The following NRXN1 variants were observed in gnomAD, a reference collection of about 807,000 sequenced individuals.
The protein encoded by NRXN1 is neurexin-1.
In NRXN1, 39 loss-of-function variants were observed where a neutral mutation model predicts 150.9. The observed-to-expected ratio is 0.26, with a 90% CI of 0.20 to 0.34. NRXN1 has a LOEUF of 0.34. Among genes scored for constraint, NRXN1 ranks in the 10% least tolerant of loss-of-function variants. The pLI is 1.00. For synonymous variants in NRXN1, 924 were observed against 757.0 expected, an observed-to-expected ratio of 1.22 and a Z score of -3.62; for missense variants, 1,815 against 1,949.9, an observed-to-expected ratio of 0.93 and a Z score of 1.30.
At chr2:50,964,921 T>A (rs1030489958) in intron 2 of NRXN1, among the ~76,000 whole-genome samples, 5 of 151,480 alleles carry the variant, frequency 3.3e-5, no homozygotes. Context: ...TACTCTGGAA[T>A]TTTTGTTGAG....
At chr2:50,585,729 C>T (rs945353033) in intron 8 of NRXN1, among the ~76,000 whole-genome samples, 1 of 152,092 alleles carries the variant, frequency 6.6e-6, no homozygotes, top group East Asian at 1.9e-4. Context: ...ATTTTCATTC[C>T]CTAGTCACTA....
At chr2:50,423,610 T>C (rs750130041) in intron 17 of NRXN1, among the ~76,000 whole-genome samples, 3 of 152,084 alleles carry the variant, frequency 2.0e-5, no homozygotes, top group Non-Finnish European at 2.9e-5. Flanking sequence ...AAAATCTTTA[T>C]TGATCCCCTA....
intron 18 of NRXN1, among the ~76,000 whole-genome samples, chr2:50,172,650 T>C (rs2060102373): frequency 6.6e-6 from 1 of 152,222 alleles, no homozygotes; most frequent in African/African-American, 2.4e-5. Flanking sequence ...TCATTCATTT[T>C]TTAGCCTTTG....
intron 8 of NRXN1, among the ~76,000 whole-genome samples, chr2:50,598,433 T>G (rs1675607884): frequency 6.6e-6 from 1 of 151,400 alleles, no homozygotes; most frequent in South Asian, 2.1e-4. Flanking sequence ...AAAATAAACT[T>G]TTTTAAATCA....
chr2:50,329,796 C>G (rs2076714943), intron 17 of NRXN1, among the ~76,000 whole-genome samples: 2 of 143,016 alleles, frequency 1.4e-5, no homozygotes, highest in Admixed American at 1.4e-4. Flanking sequence ...GCCTCAGTCT[C>G]CCGAGTAGCT....
chr2:50,940,784 A>G (rs1207936694), intron 2 of NRXN1, among the ~76,000 whole-genome samples: 2 of 152,176 alleles, frequency 1.3e-5, no homozygotes, highest in Non-Finnish European at 2.9e-5. Flanking sequence ...TTAAAATACA[A>G]GGGGAAAAAT....
At chr2:50,518,688 C>T (rs774266478) in intron 12 of NRXN1, among the ~76,000 whole-genome samples, 1 of 151,698 alleles carries the variant, frequency 6.6e-6, no homozygotes. Flanking sequence ...TGTCTAAATA[C>T]ACCACTGTAA....
chr2:50,212,656 C>T (rs760574185), intron 18 of NRXN1, among the ~76,000 whole-genome samples: 5 of 151,734 alleles, frequency 3.3e-5, no homozygotes, highest in Admixed American at 6.6e-5. Flanking sequence ...TCTGAGTGAA[C>T]GAGGCAGAGG....
At chr2:50,577,839 GAATA>G (rs1671670805) in intron 8 of NRXN1, among the ~76,000 whole-genome samples, 3 of 151,954 alleles carry the variant, frequency 2.0e-5, no homozygotes, top group Admixed American at 2.0e-4. Flanking sequence ...TTAGGAGATG[GAATA>G]AATTGTTAAA....
intron 2 of NRXN1, among the ~76,000 whole-genome samples, chr2:50,993,376 T>C (rs1422531749): frequency 1.3e-5 from 2 of 151,988 alleles, no homozygotes; most frequent in Admixed American, 6.6e-5. Context: ...CTGAAAATTA[T>C]AGTACTTTTT....
At chr2:50,003,700 T>C (rs1684308593) in intron 21 of NRXN1, among the ~76,000 whole-genome samples, 1 of 152,182 alleles carries the variant, frequency 6.6e-6, no homozygotes, top group Admixed American at 6.6e-5. Context: ...CTTTTTCACA[T>C]CCTTGTTTTA....
intron 5 of NRXN1, among the ~76,000 whole-genome samples, chr2:50,646,092 A>T (rs147655979): frequency 2.0e-5 from 3 of 151,910 alleles, no homozygotes; most frequent in African/African-American, 7.2e-5. Context: ...ATCCACAAAG[A>T]TATATAGAGA....
intron 5 of NRXN1, among the ~76,000 whole-genome samples, chr2:50,894,435 G>A (rs1319396587): frequency 2.0e-5 from 3 of 151,126 alleles, no homozygotes; most frequent in Non-Finnish European, 4.4e-5. Flanking sequence ...TCAACTGCAC[G>A]AACAATTCAA....
At chr2:50,735,360 A>G (rs1450121087) in intron 5 of NRXN1, among the ~76,000 whole-genome samples, 1 of 152,150 alleles carries the variant, frequency 6.6e-6, no homozygotes, top group East Asian at 1.9e-4. Flanking sequence ...AAATAAATCT[A>G]AAAATGTAAT....
Position 50,181,800 on chromosome 2 carries a change from T to C in NRXN1, c.3546+54989A>G, listed in dbSNP as rs1485943750. ...TATTGTCTTCAGTCCATAGTTCTAGTAATGAGCGCACCACAAAATTGATAA... is the reference window on the plus strand; with the variant it reads ...TATTGTCTTCAGTCCATAGTTCTAGCAATGAGCGCACCACAAAATTGATAA... On this transcript the variant is annotated intron_variant, in intron 18 of 22. Coordinates refer to ENST00000401669, the MANE Select transcript of NRXN1 (RefSeq NM_001330078.2). 2.6e-5 allele frequency among the ~76,000 whole-genome samples: 4 copies of C among 152,130 alleles called. No homozygotes were observed. The East Asian group carries it at 7.7e-4, about 29-fold the overall frequency.
In NRXN1 at chr2:50,357,353, G is replaced by A. The variant is rs531139023; in HGVS notation, c.3364+108089C>T. 8.6e-5 allele frequency among the ~76,000 whole-genome samples: 13 copies of A among 151,574 alleles called. No homozygotes were observed. The South Asian group carries it at 2.3e-3, about 27-fold the overall frequency. ...GACAAAGTTTCACTCTTGTTGCCCAGGATGGAGTGCAATGGGGCAATCTCA... is the reference window on the plus strand; with the variant it reads ...GACAAAGTTTCACTCTTGTTGCCCAAGATGGAGTGCAATGGGGCAATCTCA... On this transcript the variant is annotated intron_variant, in intron 17 of 22. Transcript: ENST00000401669.
At chr2:50,911,675 C>T (rs1684541952) in intron 5 of NRXN1, among the ~76,000 whole-genome samples, 1 of 151,786 alleles carries the variant, frequency 6.6e-6, no homozygotes, top group Non-Finnish European at 1.5e-5. Context: ...TTTAGCTTTT[C>T]CTTGTCTGGA....
At chr2:51,021,137 T>A (rs921662421) in intron 2 of NRXN1, among the ~76,000 whole-genome samples, 5 of 152,016 alleles carry the variant, frequency 3.3e-5, no homozygotes, top group Admixed American at 6.6e-5. Flanking sequence ...TGCATACTGT[T>A]TTTTAATAAA....
At chr2:50,638,946 T>C (rs1337385428) in intron 5 of NRXN1, among the ~76,000 whole-genome samples, 2 of 152,066 alleles carry the variant, frequency 1.3e-5, no homozygotes, top group African/African-American at 2.4e-5. Context: ...CTACCCTCAA[T>C]ACACTCTTCT....
Sources: allele counts gnomAD v4.1 joint callset (sites outside exome capture counted in the v4.1 genomes callset), GRCh38; gene constraint gnomAD v4.1.1; transcripts MANE v1.5; gene names NCBI Gene and HGNC (gene_info 2026-07-23, HGNC 2026-07-21).